Variants in SLC66A2 observed in about 807,000 individuals in gnomAD.
SLC66A2 encodes PQ loop repeat containing 1.
Under a neutral mutation model 25.5 loss-of-function variants are expected in SLC66A2, and 23 were observed. The observed-to-expected ratio is 0.90, with a 90% CI of 0.65 to 1.28. SLC66A2 has a LOEUF of 1.28. SLC66A2 is among the 50% of genes most tolerant of loss of function. The pLI is 0.00. For synonymous variants in SLC66A2, 193 were observed against 166.5 expected (o/e 1.16, Z -1.23); for missense variants, 396 against 373.1 (o/e 1.06, Z -0.51).
rs985334876 is a variant in SLC66A2 at position 79,904,822 on chromosome 18, G to C, written c.609-639C>G. Among the ~76,000 whole-genome samples, 5 of 152,238 alleles carry C rather than the reference G, an allele frequency of 3.3e-5. No homozygotes were observed. The highest frequency in any genetic ancestry group is 1.2e-4 in the African/African-American group (5 of 41,460). The stretch of plus-strand genomic sequence containing the variant: ...TGTTCATGCCCTGGCTTGCCTAGCA[G>C]TGAACATGAGTGCTGCTGCACTTTC... On this transcript the variant is annotated intron_variant, in intron 5 of 5. Coordinates refer to ENST00000397778, the MANE Select transcript of SLC66A2 (RefSeq NM_025078.5). The surrounding 1 kb of genome is among the most constrained non-coding windows in gnomAD (Gnocchi z 6.3).
intron 5 of SLC66A2, among the ~76,000 whole-genome samples, chr18:79,914,756 G>A (rs1354480943): frequency 6.6e-6 from 1 of 152,254 alleles, no homozygotes; most frequent in Non-Finnish European, 1.5e-5. Context: ...GGGCCCACAG[G>A]CCCAAAGAGA....
At chr18:79,948,773 A>C (rs983821521) in intron 2 of SLC66A2, among the ~76,000 whole-genome samples, 4 of 152,240 alleles carry the variant, frequency 2.6e-5, no homozygotes, top group African/African-American at 9.6e-5. Flanking sequence ...AATTTATTCT[A>C]TAACCCTGAA....
chr18:79,918,708 C>G lies in SLC66A2; in HGVS notation c.608+476G>C, dbSNP rs898947701. Among the ~76,000 whole-genome samples, 1 of 152,244 alleles carries G rather than the reference C, an allele frequency of 6.6e-6. No homozygotes were observed. The highest frequency in any genetic ancestry group is 2.4e-5 in the African/African-American group (1 of 41,472). ...GGCGCCCAGGCATGGTCTGTGGTTC[C>G]GAACGTCAGCCTGCCCAGCCTTCTA... On this transcript the variant is annotated intron_variant, in intron 5 of 5. Transcript: ENST00000397778. This position sits in a 1 kb window ranked among gnomAD's most constrained non-coding sequence, Gnocchi z 4.0.
intron 5 of SLC66A2, among the ~76,000 whole-genome samples, chr18:79,912,494 C>T (rs1983377756): frequency 6.6e-6 from 1 of 152,128 alleles, no homozygotes; most frequent in African/African-American, 2.4e-5. Context: ...CACAAGGTCA[C>T]ATATCGCCAG....
intron 3 of SLC66A2, among the ~76,000 whole-genome samples, chr18:79,938,619 G>A (rs568881107): frequency 1.3e-4 from 20 of 152,332 alleles, no homozygotes; most frequent in East Asian, 7.7e-4. Flanking sequence ...TGGAAAGCAT[G>A]CCACGAGGTT....
At chr18:79,907,044 G>A (rs941738359) in intron 5 of SLC66A2, among the ~76,000 whole-genome samples, 4 of 152,226 alleles carry the variant, frequency 2.6e-5, no homozygotes, top group African/African-American at 4.8e-5. Context: ...CCCAGCATCC[G>A]CCATGGATGT....
intron 5 of SLC66A2, among the ~76,000 whole-genome samples, 171 bp downstream of exon 5, chr18:79,919,013 C>T (rs1418426140): frequency 4.6e-5 from 7 of 152,276 alleles, no homozygotes; most frequent in East Asian, 3.8e-4. Flanking sequence ...TCTGCTCCAG[C>T]GCGAGGTCGA....
At chr18:79,922,559 T>A (rs562290394) in intron 4 of SLC66A2, among the ~76,000 whole-genome samples, 2 of 152,180 alleles carry the variant, frequency 1.3e-5, no homozygotes, top group African/African-American at 4.8e-5. Flanking sequence ...TCCTGCACGA[T>A]GTCATTTGCT....
chr18:79,927,201 G>A lies in SLC66A2; in HGVS notation c.391+6768C>T, dbSNP rs901607648. Among the ~76,000 whole-genome samples the A allele has an allele frequency of 1.3e-5, 2 of 152,200 alleles. No individual in the cohort carries two copies. Among genetic ancestry groups the A allele is most frequent in the Non-Finnish European group, 2.9e-5 (2 of 68,044 alleles). ...TTGGAAACGGCCCGGCCACCTGGGAGGGAACAAACAGGCACTGCCCAGACC... is the reference window on the plus strand; with the variant it reads ...TTGGAAACGGCCCGGCCACCTGGGAAGGAACAAACAGGCACTGCCCAGACC... On this transcript the variant is annotated intron_variant, in intron 4 of 5. Coordinates refer to ENST00000397778, the MANE Select transcript of SLC66A2 (RefSeq NM_025078.5). This position sits in a 1 kb window ranked among gnomAD's most constrained non-coding sequence, Gnocchi z 6.2.
rs1405031652 is a variant in SLC66A2, at chr18:79,941,575, C to T, written c.337+1754G>A. Reference sequence around the variant, plus strand: ...GGAAGAAGTGACACAGAACGCCAGGCATCCACCATCCCACTCCCTTCTTAT... The same window carrying T: ...GGAAGAAGTGACACAGAACGCCAGGTATCCACCATCCCACTCCCTTCTTAT... On this transcript the variant is annotated intron_variant, in intron 3 of 5. Transcript: ENST00000397778. This position sits in a 1 kb window ranked among gnomAD's most constrained non-coding sequence, Gnocchi z 4.1. 1 of 152,268 alleles carries T rather than the reference C, an allele frequency of 6.6e-6. No individual in the cohort carries two copies. The highest frequency in any genetic ancestry group is 1.5e-5 in the Non-Finnish European group (1 of 68,060). The allele number at this position is 152,268 out of a possible 1,614,324, so 9.4% of individuals were successfully genotyped here. A position where few individuals can be genotyped will look rare whatever the true frequency, so the allele number is the denominator to read the frequency against.
At chr18:79,934,407 T>C (rs1471031595) in intron 3 of SLC66A2, among the ~76,000 whole-genome samples, 1 of 152,198 alleles carries the variant, frequency 6.6e-6, no homozygotes, top group East Asian at 1.9e-4. Context: ...TAGAAACTCA[T>C]CTGTATGCAA....
intron 3 of SLC66A2, among the ~76,000 whole-genome samples, chr18:79,939,915 C>A (rs1987497920): frequency 6.6e-6 from 1 of 152,168 alleles, no homozygotes; most frequent in Admixed American, 6.5e-5. Context: ...CACATGCACA[C>A]ATATGTTCAC....
chr18:79,930,515 G>A (rs1028048122), intron 4 of SLC66A2, among the ~76,000 whole-genome samples: 1 of 152,084 alleles, frequency 6.6e-6, no homozygotes, highest in African/African-American at 2.4e-5. Flanking sequence ...AAAGAGTACA[G>A]GTAAAGACAA....
At chr18:79,932,471 TAAAAA>T (rs34232059) in intron 4 of SLC66A2, among the ~76,000 whole-genome samples, 1 of 146,348 alleles carries the variant, frequency 6.8e-6, no homozygotes, top group Non-Finnish European at 1.5e-5. Flanking sequence ...TGTGTTGTGT[TAAAAA>T]AAGAAAGAAA....
chr18:79,922,110 C>G (rs1437866007), intron 4 of SLC66A2, among the ~76,000 whole-genome samples: 1 of 151,772 alleles, frequency 6.6e-6, no homozygotes, highest in Non-Finnish European at 1.5e-5. Flanking sequence ...GATCATGCCC[C>G]CCTGAAGGAG....
chr18:79,923,048 C>A (rs867248296), intron 4 of SLC66A2, among the ~76,000 whole-genome samples: 1 of 151,544 alleles, frequency 6.6e-6, no homozygotes, highest in Admixed American at 6.6e-5. Flanking sequence ...GCTCGGCATC[C>A]GAGCTGGAAA....
Position 79,919,533 on chromosome 18 carries a change from GGT to G in SLC66A2, c.392-135_392-134del, listed in dbSNP as rs1488062327. ...AGACAGGAACCGAGGGAGAGGTCAA[GGT>G]CAGTGGGGAGAGACAGGAACCGAGG... On this transcript the variant is annotated intron_variant, in intron 4 of 5. Coordinates refer to ENST00000397778, the MANE Select transcript of SLC66A2 (RefSeq NM_025078.5). 1.7e-4 allele frequency: 90 copies of G among 525,738 alleles called. 5 individuals are homozygous for G. The African/African-American group carries it at 1.8e-3, about 10-fold the overall frequency. The allele number at this position is 525,738 out of a possible 1,614,324, so 32.6% of individuals were successfully genotyped here.
intron 3 of SLC66A2, among the ~76,000 whole-genome samples, chr18:79,936,402 A>G (rs1019022297): frequency 6.6e-6 from 1 of 152,218 alleles, no homozygotes; most frequent in African/African-American, 2.4e-5. Flanking sequence ...AATTATAACT[A>G]ACTCACCTGT....
At chr18:79,911,922 G>A (rs1289550516) in intron 5 of SLC66A2, among the ~76,000 whole-genome samples, 2 of 135,344 alleles carry the variant, frequency 1.5e-5, no homozygotes, top group Non-Finnish European at 1.6e-5. Context: ...GGGGGGACGG[G>A]AGCAGGGAGG....
Sources: allele counts gnomAD v4.1 joint callset (sites outside exome capture counted in the v4.1 genomes callset), GRCh38; gene constraint gnomAD v4.1.1; non-coding constraint Gnocchi (gnomAD v3.1); transcripts MANE v1.5; gene names NCBI Gene and HGNC (gene_info 2026-07-23, HGNC 2026-07-21).